ADAMTS17: variants seen among roughly 807,000 people sequenced by gnomAD.
ADAMTS17 encodes A disintegrin and metalloproteinase with thrombospondin motifs 17.
ADAMTS17 carries 113 observed loss-of-function variants against 141.5 expected under a neutral mutation model. The observed-to-expected ratio is 0.80, with a 90% CI of 0.69 to 0.93. The LOEUF (loss-of-function observed/expected upper bound fraction) is 0.93. Among genes scored for constraint, ADAMTS17 ranks in the 40% least tolerant of loss-of-function variants. The pLI, the probability that ADAMTS17 is intolerant of heterozygous loss-of-function variation, is 0.00. For missense variants in ADAMTS17, 1,659 were observed against 1,517.9 expected (o/e 1.09, Z -1.54); for synonymous variants, 768 against 630.6 (o/e 1.22, Z -3.27).
Position 100,071,603 on chromosome 15 carries a change from C to T in ADAMTS17, c.2138-17549G>A, listed in dbSNP as rs969309584. 7.3e-5 allele frequency among the ~76,000 whole-genome samples: 11 copies of T among 150,338 alleles called. 1 individual carries two copies. The highest frequency in any genetic ancestry group is 1.6e-4 in the Non-Finnish European group (11 of 67,568). On this transcript the variant is annotated intron_variant, in intron 15 of 21. Coordinates refer to ENST00000268070, the MANE Select transcript of ADAMTS17 (RefSeq NM_139057.4). ...TCCCTAGGATGCAAGGCTGGTTCAA[C>T]ATATGCAAATCAATAAACGTAATCC...
chr15:100,001,353 CTTT>C (rs35364890), intron 18 of ADAMTS17, among the ~76,000 whole-genome samples: 27 of 141,958 alleles, frequency 1.9e-4, no homozygotes, highest in Non-Finnish European at 2.7e-4. Context: ...GTCTCTTTTC[CTTT>C]TTTTTTTTTT....
chr15:100,232,541 C>T (rs781006598), intron 7 of ADAMTS17, among the ~76,000 whole-genome samples: 47 of 152,332 alleles, frequency 3.1e-4, no homozygotes, highest in African/African-American at 9.4e-4. Flanking sequence ...GCTGGTGGGA[C>T]GTAGATGCCC....
chr15:100,246,398 C>T (rs1282537061), intron 7 of ADAMTS17, among the ~76,000 whole-genome samples: 2 of 152,112 alleles, frequency 1.3e-5, no homozygotes, highest in African/African-American at 4.8e-5. Flanking sequence ...ATACTTGATT[C>T]CCAAAATTGA....
rs1555440184 is a variant in ADAMTS17 at position 100,073,080 on chromosome 15, GCC to G, written c.2138-19028_2138-19027del. On this transcript the variant is annotated intron_variant, in intron 15 of 21. Transcript: ENST00000268070. The stretch of plus-strand genomic sequence containing the variant: ...CAAATCTACAAGAAAAAAACAAACA[GCC>G]CCATCAAAAAGTGGGCAAAGGATAT... Among the ~76,000 whole-genome samples, 145 of 148,380 alleles carry G rather than the reference GCC, an allele frequency of 9.8e-4. 1 individual carries two copies. The highest frequency in any genetic ancestry group is 1.2e-3 in the Non-Finnish European group (79 of 65,320).
At chr15:100,131,317 A>G (rs2038029270) in intron 12 of ADAMTS17, among the ~76,000 whole-genome samples, 1 of 149,346 alleles carries the variant, frequency 6.7e-6, no homozygotes, top group Admixed American at 6.8e-5. Flanking sequence ...GTGTATACCT[A>G]TGGAACAAAC....
chr15:100,321,723 A>T (rs561463565), intron 3 of ADAMTS17, among the ~76,000 whole-genome samples: 11 of 152,392 alleles, frequency 7.2e-5, no homozygotes, highest in African/African-American at 2.6e-4. Context: ...TAGAATTAAA[A>T]GGTAAAACTG....
At chr15:100,125,424 G>A (rs929991764) in intron 12 of ADAMTS17, among the ~76,000 whole-genome samples, 9 of 152,294 alleles carry the variant, frequency 5.9e-5, no homozygotes, top group East Asian at 3.9e-4. Context: ...TACACCAGCC[G>A]TCCTCCCGCC....
Position 100,162,511 on chromosome 15 carries a change from T to C in ADAMTS17, c.1182-7191A>G, listed in dbSNP as rs545032300. Among the ~76,000 whole-genome samples, 1,040 of 105,022 alleles carry C rather than the reference T, an allele frequency of 9.9e-3. 22 individuals are homozygous for C. The highest frequency in any genetic ancestry group is 0.034 in the African/African-American group (935 of 27,108). The allele number at this position is 105,022 out of a possible 152,430, so 68.9% of individuals were successfully genotyped here. On this transcript the variant is annotated intron_variant, in intron 8 of 21. Transcript: ENST00000268070. ...TATGCACATATACACATTATATGTGTATATATATGCACATATACACATTAT... is the reference window on the plus strand; with the variant it reads ...TATGCACATATACACATTATATGTGCATATATATGCACATATACACATTAT...
chr15:99,995,593 A>T (rs749860259), intron 19 of ADAMTS17, among the ~76,000 whole-genome samples: 2 of 152,172 alleles, frequency 1.3e-5, no homozygotes, highest in Non-Finnish European at 2.9e-5. Flanking sequence ...TCCTTCTTCT[A>T]ATAAAGTCGG....
intron 12 of ADAMTS17, among the ~76,000 whole-genome samples, chr15:100,131,179 G>C (rs1425618754): frequency 6.6e-6 from 1 of 151,756 alleles, no homozygotes; most frequent in African/African-American, 2.4e-5. Flanking sequence ...AGAACACAGG[G>C]ACACAGAGAG....
chr15:100,262,181 TCAC>T (rs2141997521), intron 5 of ADAMTS17, among the ~76,000 whole-genome samples, 168 bp downstream of exon 5: 1 of 152,040 alleles, frequency 6.6e-6, no homozygotes, highest in African/African-American at 2.4e-5. Flanking sequence ...CAGCCCCCCC[TCAC>T]ACCATGCTTC....
At chr15:100,096,627 C>A in intron 14 of ADAMTS17, 151 bp from the exon 15 acceptor site, 5 of 1,005,702 alleles carry the variant, frequency 5.0e-6, no homozygotes, top group East Asian at 2.4e-5. Flanking sequence ...TATTTTAATT[C>A]AGGAGAGAAA....
intron 2 of ADAMTS17, among the ~76,000 whole-genome samples, chr15:100,339,879 G>C (rs866444166): frequency 6.6e-6 from 1 of 152,150 alleles, no homozygotes; most frequent in African/African-American, 2.4e-5. Context: ...GGAAGAAAGA[G>C]AGGTCTCACA....
intron 10 of ADAMTS17, among the ~76,000 whole-genome samples, chr15:100,137,485 G>A (rs112600596): frequency 1.3e-5 from 2 of 152,288 alleles, no homozygotes; most frequent in African/African-American, 2.4e-5. Flanking sequence ...GGGCTTGGAG[G>A]TGGAGATGCA....
At chr15:100,233,494 T>A (rs1176270514) in intron 7 of ADAMTS17, among the ~76,000 whole-genome samples, 1 of 152,188 alleles carries the variant, frequency 6.6e-6, no homozygotes, top group Middle Eastern at 3.2e-3. Context: ...GGGCAAGTTT[T>A]ATTAGCTCGA....
At chr15:100,244,104 T>C (rs1465702576) in intron 7 of ADAMTS17, among the ~76,000 whole-genome samples, 1 of 151,992 alleles carries the variant, frequency 6.6e-6, no homozygotes, top group Non-Finnish European at 1.5e-5. Context: ...AGTCACATCT[T>C]ACATGGTGGC....
intron 3 of ADAMTS17, chr15:100,306,633 G>A: frequency 2.2e-6 from 1 of 451,960 alleles, no homozygotes; most frequent in Admixed American, 2.4e-5. Flanking sequence ...CAGAATCTAT[G>A]AACTTATTAA....
At chr15:100,220,993 C>A (rs775456756) in intron 7 of ADAMTS17, among the ~76,000 whole-genome samples, 4 of 152,142 alleles carry the variant, frequency 2.6e-5, no homozygotes, top group Non-Finnish European at 5.9e-5. Flanking sequence ...AGTTTCTGCA[C>A]GGACCTATGT....
chr15:100,068,188 G>A (rs552900813), intron 15 of ADAMTS17, among the ~76,000 whole-genome samples: 46 of 152,230 alleles, frequency 3.0e-4, no homozygotes, highest in African/African-American at 9.6e-4. Context: ...ACTGCAAGGC[G>A]GCAGTGAGGC....
Sources: gnomAD v4.1 joint callset for allele counts (sites outside exome capture counted in the v4.1 genomes callset) on GRCh38, gnomAD v4.1.1 for gene constraint, MANE v1.5 for transcripts, NCBI Gene and HGNC (gene_info 2026-07-23, HGNC 2026-07-21) for gene names.